SLC7A1: variants seen among roughly 807,000 people sequenced by gnomAD.
The protein encoded by SLC7A1 is solute carrier family 7 member 1.
Under a neutral mutation model 53.9 loss-of-function variants are expected in SLC7A1, and 10 were observed. The ratio of observed to expected loss-of-function variants is 0.19; its 90% CI spans 0.11 to 0.31. SLC7A1 has a LOEUF of 0.31. Ranked by LOEUF, SLC7A1 falls within the 10% of genes least tolerant of loss-of-function variation. SLC7A1 has a pLI of 1.00. For missense variants in SLC7A1, 525 were observed against 827.2 expected (o/e 0.63, Z 4.48); for synonymous variants, 342 against 338.7 (o/e 1.01, Z -0.11).
At chr13:29,583,099 C>T (rs1003465774) in intron 1 of SLC7A1, among the ~76,000 whole-genome samples, 2 of 152,192 alleles carry the variant, frequency 1.3e-5, no homozygotes, top group African/African-American at 4.8e-5. Context: ...CAGCTTGCAT[C>T]TTTAGGTGCA....
At chr13:29,543,615 C>A (rs537790902) in intron 2 of SLC7A1, among the ~76,000 whole-genome samples, 4 of 150,898 alleles carry the variant, frequency 2.7e-5, no homozygotes, top group Non-Finnish European at 4.4e-5. Context: ...GAGAGGGGTG[C>A]GGAAGGAGGC....
intron 2 of SLC7A1, among the ~76,000 whole-genome samples, chr13:29,537,783 C>CA (rs1220634138): frequency 1.3e-5 from 2 of 152,214 alleles, no homozygotes; most frequent in Admixed American, 1.3e-4. Flanking sequence ...AAGGTACACA[C>CA]AAAAAATCAC....
chr13:29,535,842 T>C lies in SLC7A1; in HGVS notation c.347A>G (p.Asn116Ser), dbSNP rs761833182. The C allele has an allele frequency of 6.2e-7, 1 of 1,614,092 alleles. No homozygotes were observed. Among genetic ancestry groups the C allele is most frequent in the East Asian group, 2.2e-5 (1 of 44,872 alleles). The change falls in exon 3 of 13, where the codon AAC becomes AGC. Residue 116 changes from asparagine to serine, a missense_variant. Coordinates refer to ENST00000380752, the MANE Select transcript of SLC7A1 (RefSeq NM_003045.5). Reference protein sequence around the residue: ...GELWAFITGWNLILSYIIGTS... With the variant: ...GELWAFITGWSLILSYIIGTS... The stretch of plus-strand genomic sequence containing the variant: ...ACCGATGATGTAGGAGAGGATTAAG[T>C]TCCAGCCGGTGATGAAGGCCCAGAG...
intron 1 of SLC7A1, among the ~76,000 whole-genome samples, chr13:29,579,963 G>A (rs1254884038): frequency 6.6e-6 from 1 of 152,092 alleles, no homozygotes; most frequent in Admixed American, 6.5e-5. Context: ...AGATCTGATC[G>A]TGGTTGTTCC....
intron 4 of SLC7A1, among the ~76,000 whole-genome samples, chr13:29,531,049 C>T (rs1869133822): frequency 6.6e-6 from 1 of 152,186 alleles, no homozygotes; most frequent in Non-Finnish European, 1.5e-5. Flanking sequence ...TGGACCCGCA[C>T]ACCAAGCCGC....
In SLC7A1 at chr13:29,551,477, C is replaced by T. The variant is rs548529348; in HGVS notation, c.-15+2284G>A. ...AAGCCATAAATTCCCCCAATTCAGA[C>T]AGGGTTCAAGACTTGTGCCCCAACA... On this transcript the variant is annotated intron_variant, in intron 2 of 12. Coordinates refer to ENST00000380752, the MANE Select transcript of SLC7A1 (RefSeq NM_003045.5). Among the ~76,000 whole-genome samples, 3 of 152,252 alleles carry T rather than the reference C, an allele frequency of 2.0e-5. No homozygotes were observed. In the South Asian group the frequency reaches 6.2e-4, roughly 32 times the overall value.
intron 1 of SLC7A1, among the ~76,000 whole-genome samples, chr13:29,554,782 A>G (rs1732479642): frequency 1.3e-5 from 2 of 152,346 alleles, no homozygotes; most frequent in African/African-American, 4.8e-5. Flanking sequence ...ATTTCCCACA[A>G]TTGGAATCTT....
At chr13:29,569,531 C>A (rs755236565) in intron 1 of SLC7A1, among the ~76,000 whole-genome samples, 1 of 152,198 alleles carries the variant, frequency 6.6e-6, no homozygotes, top group Non-Finnish European at 1.5e-5. Context: ...GAGGGCTTGA[C>A]CTCATGAGGC....
intron 1 of SLC7A1, among the ~76,000 whole-genome samples, chr13:29,560,430 G>A (rs992001622): frequency 6.6e-6 from 1 of 150,510 alleles, no homozygotes; most frequent in African/African-American, 2.4e-5. Context: ...TAAATACCTA[G>A]TATTTACATA....
intron 1 of SLC7A1, among the ~76,000 whole-genome samples, chr13:29,581,326 C>T (rs73454225): frequency 0.044 from 6,713 of 152,240 alleles, 489 homozygotes; most frequent in African/African-American, 0.15. Context: ...CAAAGCCTTC[C>T]GAGAGACCCA....
At chr13:29,545,375 C>T (rs1318861590) in intron 2 of SLC7A1, among the ~76,000 whole-genome samples, 1 of 152,076 alleles carries the variant, frequency 6.6e-6, no homozygotes, top group Non-Finnish European at 1.5e-5. Flanking sequence ...GCTCAGGTCC[C>T]TACCACTCTT....
intron 1 of SLC7A1, among the ~76,000 whole-genome samples, chr13:29,555,345 G>A (rs9508493): frequency 0.58 from 44,737 of 77,422 alleles, 14,209 homozygotes; most frequent in Non-Finnish European, 0.72. Flanking sequence ...GCGACAGAGC[G>A]AGACTCCGTC....
Position 29,547,783 on chromosome 13 carries a change from C to T in SLC7A1, c.-15+5978G>A, listed in dbSNP as rs1869987646. 2.6e-5 allele frequency among the ~76,000 whole-genome samples: 4 copies of T among 152,182 alleles called. 1 individual carries two copies. The highest frequency in any genetic ancestry group is 3.8e-4 in the East Asian group (2 of 5,200). On this transcript the variant is annotated intron_variant, in intron 2 of 12. Coordinates refer to ENST00000380752, the MANE Select transcript of SLC7A1 (RefSeq NM_003045.5). ...TAGGAGAAGCTGATAAGCGGGTACACGGGGCTTCATTATGCTTTTCTCATT... is the reference window on the plus strand; with the variant it reads ...TAGGAGAAGCTGATAAGCGGGTACATGGGGCTTCATTATGCTTTTCTCATT...
rs550579698 is a variant in SLC7A1, at chr13:29,513,629, T to A, written c.*851A>T. 1 of 152,862 alleles carries A rather than the reference T, an allele frequency of 6.5e-6. No individual in the cohort carries two copies. Among genetic ancestry groups the A allele is most frequent in the South Asian group, 2.1e-4 (1 of 4,830 alleles). The allele number at this position is 152,862 out of a possible 1,614,324, so 9.5% of individuals were successfully genotyped here. On this transcript the variant is annotated 3_prime_UTR_variant, in exon 13 of 13. Transcript: ENST00000380752. ...TCTGACTCGGCCACCATGGGGCCAG[T>A]CCTGCAGATACTGTCTCATGTTCCA...
chr13:29,581,386 C>T (rs1393118486), intron 1 of SLC7A1, among the ~76,000 whole-genome samples: 5 of 151,980 alleles, frequency 3.3e-5, no homozygotes, highest in Admixed American at 2.6e-4. Flanking sequence ...TGCAAACCCC[C>T]GTGCTAGGCA....
Position 29,514,120 on chromosome 13 carries a change from A to C in SLC7A1, c.*360T>G, listed in dbSNP as rs1271337872. Reference sequence around the variant, plus strand: ...CAATCCCAGAACAGTCCCCGGGAGGAAGGCCTGGTTCCCAAGATAAGGAGA... The same window carrying C: ...CAATCCCAGAACAGTCCCCGGGAGGCAGGCCTGGTTCCCAAGATAAGGAGA... On this transcript the variant is annotated 3_prime_UTR_variant, in exon 13 of 13. Coordinates refer to ENST00000380752, the MANE Select transcript of SLC7A1 (RefSeq NM_003045.5). 3.9e-6 allele frequency: 1 copy of C among 256,980 alleles called. No homozygotes were observed. The highest frequency in any genetic ancestry group is 7.6e-6 in the Non-Finnish European group (1 of 131,970). 15.9% of individuals were successfully genotyped at this position (256,980 alleles called of 1,614,324 possible).
chr13:29,553,204 G>A (rs1020728830), intron 2 of SLC7A1, among the ~76,000 whole-genome samples: 2 of 152,336 alleles, frequency 1.3e-5, no homozygotes, highest in Admixed American at 6.5e-5. Context: ...AGAAGAATGG[G>A]AGCAAGATGA....
intron 2 of SLC7A1, among the ~76,000 whole-genome samples, chr13:29,540,654 G>T (rs1379948605): frequency 2.0e-5 from 3 of 152,198 alleles, no homozygotes; most frequent in African/African-American, 7.2e-5. Flanking sequence ...ACTCGGAAAT[G>T]CCCTTCTTTC....
At chr13:29,581,232 G>T (rs1292440530) in intron 1 of SLC7A1, among the ~76,000 whole-genome samples, 1 of 152,100 alleles carries the variant, frequency 6.6e-6, no homozygotes, top group African/African-American at 2.4e-5. Context: ...CCTGTGAGAA[G>T]GTACAAGAAA....
Sources: gnomAD v4.1 joint callset for allele counts (sites outside exome capture counted in the v4.1 genomes callset) on GRCh38, gnomAD v4.1.1 for gene constraint, MANE v1.5 for transcripts, NCBI Gene and HGNC (gene_info 2026-07-23, HGNC 2026-07-21) for gene names.